The following SEC31A variants were observed in gnomAD, a reference collection of about 807,000 sequenced individuals.
SEC31A encodes SEC31 homolog A, COPII component, also known as protein transport protein Sec31A.
SEC31A carries 70 observed loss-of-function variants against 151.0 expected under a neutral mutation model. The observed-to-expected ratio is 0.46, with a 90% CI of 0.38 to 0.57. The LOEUF (loss-of-function observed/expected upper bound fraction) is 0.57, where lower values mean the gene tolerates loss of function less well. Among genes scored for constraint, SEC31A ranks in the 20% least tolerant of loss-of-function variants. The pLI is 0.00. For synonymous variants in SEC31A, 475 were observed against 505.9 expected (o/e 0.94, Z 0.82); for missense variants, 1,330 against 1,471.2 (o/e 0.90, Z 1.57).
intron 10 of SEC31A, among the ~76,000 whole-genome samples, chr4:82,865,792 G>C (rs925426947): frequency 3.3e-5 from 5 of 152,124 alleles, no homozygotes; most frequent in African/African-American, 1.2e-4. Flanking sequence ...AACAGGAAAT[G>C]GGGAGCTGTT....
intron 2 of SEC31A, chr4:82,899,926 C>T (rs1226445031): frequency 6.6e-6 from 1 of 152,398 alleles, no homozygotes; most frequent in Admixed American, 6.5e-5. Context: ...AAATTGAAAT[C>T]TCTTCCTCAA....
At chr4:82,847,255 C>T (rs1730436085) in intron 20 of SEC31A, among the ~76,000 whole-genome samples, 1 of 152,156 alleles carries the variant, frequency 6.6e-6, no homozygotes, top group Non-Finnish European at 1.5e-5. Flanking sequence ...AGTGCAAGTC[C>T]TCCTGATCTG....
At chr4:82,841,442 T>TATATATATATATATATATA (rs1728733052) in intron 22 of SEC31A, among the ~76,000 whole-genome samples, 4 of 64,460 alleles carry the variant, frequency 6.2e-5, no homozygotes, top group Admixed American at 5.1e-4. Context: ...AAAAAAAATT[T>TATATATATATATATATATA]TATATATATA....
chr4:82,867,108 TA>T, intron 9 of SEC31A, 46 bp downstream of exon 9: 1 of 1,570,620 alleles, frequency 6.4e-7, no homozygotes, highest in Non-Finnish European at 8.7e-7. Context: ...ACACAACACA[TA>T]CTTTTTTCAG....
At chr4:82,843,913 CTG>C (rs1729484774) in intron 21 of SEC31A, 2 of 153,288 alleles carry the variant, frequency 1.3e-5, no homozygotes, top group African/African-American at 4.8e-5. Context: ...TGGGGGCACT[CTG>C]TACTTTCTGC....
At chr4:82,891,157 G>A (rs2125993954), upstream of SEC31A, 7 of 1,535,542 alleles carry the variant, frequency 4.6e-6, no homozygotes, top group South Asian at 1.2e-5. Flanking sequence ...AGCATTCGCC[G>A]CCGCCCCTCC....
At chr4:82,873,321 A>G (rs1442211111) in intron 6 of SEC31A, among the ~76,000 whole-genome samples, 1 of 150,182 alleles carries the variant, frequency 6.7e-6, no homozygotes, top group Non-Finnish European at 1.5e-5. Context: ...GCGCCCCTAC[A>G]CTCCAGACTG....
At chr4:82,861,765 T>C in intron 13 of SEC31A, 57 bp from the exon 14 acceptor site, 1 of 1,212,046 alleles carries the variant, frequency 8.3e-7, no homozygotes, top group Non-Finnish European at 1.2e-6. Flanking sequence ...TAAAAGGCTA[T>C]TAGTGAACCA....
At chr4:82,833,318 C>T (rs777075198) in intron 22 of SEC31A, among the ~76,000 whole-genome samples, 1 of 152,110 alleles carries the variant, frequency 6.6e-6, no homozygotes, top group Non-Finnish European at 1.5e-5. Context: ...GAAAACCAAA[C>T]ACCACATGTT....
At chr4:82,872,400 G>A (rs1446574417) in intron 6 of SEC31A, among the ~76,000 whole-genome samples, 2 of 152,124 alleles carry the variant, frequency 1.3e-5, no homozygotes, top group African/African-American at 4.8e-5. Context: ...TGTTGGCCAG[G>A]CTGGTCTTGA....
In SEC31A at chr4:82,880,819, G is replaced by A. The variant is rs368053462; in HGVS notation, c.183C>T (p.Ala61=). The A allele has an allele frequency of 8.7e-6, 14 of 1,612,450 alleles. No homozygotes were observed. The highest frequency in any genetic ancestry group is 1.2e-5 in the Non-Finnish European group (14 of 1,179,064). ...SDPSLDMKSC[A]TFSSSHRYHK... ...CATACCTGTGAGAAGAGGAGAATGTGGCACAAGATTTCATATCCAAGGATG... is the reference window on the plus strand; with the variant it reads ...CATACCTGTGAGAAGAGGAGAATGTAGCACAAGATTTCATATCCAAGGATG... The change falls in exon 3 of 27, where the codon GCC becomes GCT. Residue 61 remains alanine (A), a synonymous_variant. Coordinates refer to ENST00000395310, the MANE Select transcript of SEC31A (RefSeq NM_001077207.4).
At chr4:82,878,599 C>T (rs1171417642) in intron 4 of SEC31A, 131 bp downstream of exon 4, 5 of 684,172 alleles carry the variant, frequency 7.3e-6, no homozygotes, top group African/African-American at 1.8e-5. Flanking sequence ...ATTCTTTAAA[C>T]AAACACTCGT....
At chr4:82,842,522 A>C in intron 21 of SEC31A, 41 bp from the exon 22 acceptor site, 1 of 1,473,654 alleles carries the variant, frequency 6.8e-7, no homozygotes, top group South Asian at 1.3e-5. Flanking sequence ...ATTAGTTACA[A>C]GTTTATTCAG....
intron 26 of SEC31A, among the ~76,000 whole-genome samples, chr4:82,819,922 C>G (rs186591670): frequency 6.6e-6 from 1 of 151,850 alleles, no homozygotes; most frequent in East Asian, 1.9e-4. Context: ...CCACCATGCC[C>G]AGCTAATTTT....
chr4:82,858,253 T>TA (rs1733151427), intron 14 of SEC31A, among the ~76,000 whole-genome samples: 1 of 148,230 alleles, frequency 6.7e-6, no homozygotes, highest in Non-Finnish European at 1.5e-5. Flanking sequence ...TCTACTAAAA[T>TA]ACAAAAAATT....
chr4:82,878,165 A>C (rs929711477), intron 4 of SEC31A: 1 of 152,612 alleles, frequency 6.6e-6, no homozygotes, highest in African/African-American at 2.4e-5. Flanking sequence ...AATGTTTATA[A>C]AATGTCTAAT....
chr4:82,871,352 C>T (rs1457877454), intron 7 of SEC31A: 5 of 1,517,450 alleles, frequency 3.3e-6, no homozygotes, highest in Non-Finnish European at 4.4e-6. Context: ...AACGTAGGTA[C>T]AGTAAAATGT....
At chr4:82,859,924 TG>T (rs1252768943) in intron 14 of SEC31A, among the ~76,000 whole-genome samples, 1 of 151,960 alleles carries the variant, frequency 6.6e-6, no homozygotes, top group Non-Finnish European at 1.5e-5. Context: ...CCCAAGTAGC[TG>T]GGACTACAGG....
At chr4:82,900,550 A>G (rs1720275333), upstream of SEC31A, 5 of 530,760 alleles carry the variant, frequency 9.4e-6, no homozygotes, top group Non-Finnish European at 3.3e-6. Context: ...TCCAACGCGG[A>G]GGGAGGAGCG....
Sources: allele counts gnomAD v4.1 joint callset (sites outside exome capture counted in the v4.1 genomes callset), GRCh38; gene constraint gnomAD v4.1.1; transcripts MANE v1.5; gene names NCBI Gene and HGNC (gene_info 2026-07-23, HGNC 2026-07-21).